The following KCNH8 variants were observed in gnomAD, a reference collection of about 807,000 sequenced individuals.
KCNH8 encodes potassium voltage-gated channel subfamily H member 8.
A neutral mutation model predicts 103.6 loss-of-function variants in KCNH8; 70 were observed. That is an observed-to-expected ratio of 0.68 (90% CI 0.56 to 0.82). The LOEUF (loss-of-function observed/expected upper bound fraction) is 0.82, where lower values mean the gene tolerates loss of function less well. KCNH8 is among the 40% of genes least tolerant of loss of function. The probability of loss-of-function intolerance (pLI) is 0.00; values close to 1 mark genes in which losing one functional copy is unlikely to be tolerated. For synonymous variants in KCNH8, 498 were observed against 489.4 expected (o/e 1.02, Z -0.23); for missense variants, 1,217 against 1,329.9 (o/e 0.92, Z 1.32).
chr3:19,451,783 G>A (rs1197269224), intron 10 of KCNH8, among the ~76,000 whole-genome samples: 1 of 152,038 alleles, frequency 6.6e-6, no homozygotes, highest in Non-Finnish European at 1.5e-5. Context: ...TATTTTTGTG[G>A]AAAATTAATT....
At chr3:19,169,186 GA>G (rs1426423966) in intron 1 of KCNH8, among the ~76,000 whole-genome samples, 1 of 151,294 alleles carries the variant, frequency 6.6e-6, no homozygotes, top group Non-Finnish European at 1.5e-5. Context: ...CAAGTTTCAC[GA>G]CCTGCCTCTT....
intron 15 of KCNH8, among the ~76,000 whole-genome samples, chr3:19,529,880 A>G (rs2069130692): frequency 6.6e-6 from 1 of 152,172 alleles, no homozygotes; most frequent in Non-Finnish European, 1.5e-5. Context: ...TTCCCTCTAG[A>G]GTTAAAGAAA....
intron 2 of KCNH8, among the ~76,000 whole-genome samples, chr3:19,279,012 G>A (rs751864080): frequency 9.9e-5 from 15 of 152,080 alleles, no homozygotes; most frequent in Non-Finnish European, 1.6e-4. Flanking sequence ...TAATAGCCTC[G>A]GTTATGATTT....
intron 2 of KCNH8, among the ~76,000 whole-genome samples, chr3:19,278,333 C>T (rs1313531182): frequency 2.7e-5 from 4 of 150,716 alleles, no homozygotes; most frequent in African/African-American, 9.8e-5. Flanking sequence ...CATAAATATA[C>T]CTGAATATTC....
At chr3:19,533,299 C>A in intron 15 of KCNH8, 96 bp from the exon 16 acceptor site, 21 of 725,064 alleles carry the variant, frequency 2.9e-5, no homozygotes, top group South Asian at 8.2e-5. Context: ...TAAAAGAAAA[C>A]CGAAAGAAAT....
At chr3:19,182,331 A>G (rs553875878) in intron 1 of KCNH8, among the ~76,000 whole-genome samples, 32 of 152,082 alleles carry the variant, frequency 2.1e-4, no homozygotes, top group Non-Finnish European at 3.4e-4. Flanking sequence ...GATTGAGACC[A>G]TCCTGGCTAA....
intron 3 of KCNH8, among the ~76,000 whole-genome samples, chr3:19,289,179 C>T (rs1047018312): frequency 4.6e-5 from 7 of 151,236 alleles, no homozygotes; most frequent in Admixed American, 1.3e-4. Context: ...TGTAGGTTGC[C>T]TGTTCACTCT....
intron 11 of KCNH8, among the ~76,000 whole-genome samples, chr3:19,500,601 C>CA (rs2068557943): frequency 6.6e-6 from 1 of 152,290 alleles, no homozygotes; most frequent in South Asian, 2.1e-4. Context: ...ATAGTGCAAT[C>CA]AAACTAGAAT....
At chr3:19,170,767 T>C (rs1393758946) in intron 1 of KCNH8, among the ~76,000 whole-genome samples, 1 of 115,664 alleles carries the variant, frequency 8.6e-6, no homozygotes, top group African/African-American at 3.5e-5. Flanking sequence ...TATACACACA[T>C]ATATATACAC....
intron 7 of KCNH8, among the ~76,000 whole-genome samples, chr3:19,424,602 T>C (rs2125159950): frequency 6.6e-6 from 1 of 151,862 alleles, no homozygotes; most frequent in African/African-American, 2.4e-5. Flanking sequence ...AAACAAAAAA[T>C]AAATAGATTA....
intron 3 of KCNH8, among the ~76,000 whole-genome samples, chr3:19,314,375 G>T (rs1166710852): frequency 6.6e-6 from 1 of 151,858 alleles, no homozygotes; most frequent in Non-Finnish European, 1.5e-5. Context: ...GAGATTGAAA[G>T]CATGGACAGC....
intron 7 of KCNH8, among the ~76,000 whole-genome samples, chr3:19,399,853 A>C (rs2125137795): frequency 1.3e-5 from 2 of 152,110 alleles, no homozygotes; most frequent in South Asian, 4.1e-4. Flanking sequence ...AAAACAAAAA[A>C]GGAATTCATT....
At chr3:19,477,933 T>A (rs1044986077) in intron 11 of KCNH8, among the ~76,000 whole-genome samples, 2 of 150,440 alleles carry the variant, frequency 1.3e-5, no homozygotes, top group Admixed American at 6.6e-5. Flanking sequence ...GGCACCCTTT[T>A]TTCATCTCCA....
intron 15 of KCNH8, among the ~76,000 whole-genome samples, chr3:19,520,516 T>C (rs1224613672): frequency 6.6e-6 from 1 of 151,962 alleles, no homozygotes; most frequent in African/African-American, 2.4e-5. Flanking sequence ...TCTTCTAACC[T>C]ATTTTTCTCT....
intron 3 of KCNH8, among the ~76,000 whole-genome samples, chr3:19,297,759 A>G (rs535014391): frequency 2.0e-5 from 3 of 152,340 alleles, no homozygotes; most frequent in African/African-American, 7.2e-5. Context: ...CCAAAAACAG[A>G]GAAGTGGTGA....
intron 1 of KCNH8, among the ~76,000 whole-genome samples, chr3:19,217,413 T>G (rs1028892566): frequency 6.6e-6 from 1 of 152,200 alleles, no homozygotes; most frequent in African/African-American, 2.4e-5. Flanking sequence ...AAGTTTGGCT[T>G]TAATATATGA....
chr3:19,319,496 G>C (rs1022256032), intron 3 of KCNH8, among the ~76,000 whole-genome samples: 2 of 151,774 alleles, frequency 1.3e-5, no homozygotes, highest in Non-Finnish European at 2.9e-5. Context: ...TTTATTTCTG[G>C]GTTCTCAATT....
intron 1 of KCNH8, among the ~76,000 whole-genome samples, chr3:19,190,430 A>G (rs1032542749): frequency 4.0e-5 from 6 of 151,868 alleles, no homozygotes; most frequent in Admixed American, 1.3e-4. Flanking sequence ...TGAGTTTTTT[A>G]TTGTTTTTGT....
intron 1 of KCNH8, among the ~76,000 whole-genome samples, chr3:19,204,859 T>C (rs1323238929): frequency 6.6e-6 from 1 of 152,072 alleles, no homozygotes; most frequent in African/African-American, 2.4e-5. Context: ...CTCTAAATAT[T>C]GAACTCTTCA....
Sources: gnomAD v4.1 joint callset for allele counts (sites outside exome capture counted in the v4.1 genomes callset) on GRCh38, gnomAD v4.1.1 for gene constraint, MANE v1.5 for transcripts, NCBI Gene and HGNC (gene_info 2026-07-23, HGNC 2026-07-21) for gene names.